Variants in LRRTM4 observed in about 807,000 individuals in gnomAD.
LRRTM4 encodes leucine rich repeat transmembrane neuronal 4, also known as leucine-rich repeat transmembrane neuronal protein 4.
A neutral mutation model predicts 47.6 loss-of-function variants in LRRTM4; 25 were observed. The observed-to-expected ratio is 0.53, with a 90% confidence interval of 0.38 to 0.73. The LOEUF is 0.73. Among genes scored for constraint, LRRTM4 ranks in the 30% least tolerant of loss-of-function variants. LRRTM4 has a pLI of 0.00. For missense variants in LRRTM4, 638 were observed against 713.4 expected (o/e 0.89, Z 1.20); for synonymous variants, 311 against 269.5 (o/e 1.15, Z -1.51).
At chr2:77,371,490 A>G (rs547182717) in intron 3 of LRRTM4, among the ~76,000 whole-genome samples, 1 of 151,714 alleles carries the variant, frequency 6.6e-6, no homozygotes, top group South Asian at 2.1e-4. Context: ...TAGCATGACA[A>G]CCTAGACACT....
intron 3 of LRRTM4, among the ~76,000 whole-genome samples, chr2:77,458,103 A>T (rs962223973): frequency 6.6e-6 from 1 of 152,176 alleles, no homozygotes; most frequent in Non-Finnish European, 1.5e-5. Flanking sequence ...TAGTTCTTGC[A>T]TATGTCCAAT....
chr2:77,024,675 C>T (rs1678391935), intron 3 of LRRTM4, among the ~76,000 whole-genome samples: 1 of 151,996 alleles, frequency 6.6e-6, no homozygotes, highest in South Asian at 2.1e-4. Flanking sequence ...ATTTTACTCA[C>T]TTAACACTTT....
chr2:77,421,632 G>T (rs1018943456), intron 3 of LRRTM4, among the ~76,000 whole-genome samples: 1 of 151,448 alleles, frequency 6.6e-6, no homozygotes, highest in Non-Finnish European at 1.5e-5. Flanking sequence ...GCGTGAACCC[G>T]GGAGGCGGAG....
intron 3 of LRRTM4, among the ~76,000 whole-genome samples, chr2:77,192,071 A>G (rs183886813): frequency 2.2e-3 from 331 of 152,254 alleles, no homozygotes; most frequent in African/African-American, 4.8e-3. Flanking sequence ...ACAATTTCAC[A>G]TAACTAAAAA....
chr2:77,044,554 G>C (rs1679167484), intron 3 of LRRTM4, among the ~76,000 whole-genome samples: 1 of 151,032 alleles, frequency 6.6e-6, no homozygotes, highest in East Asian at 1.9e-4. Flanking sequence ...GTGTGTGTCT[G>C]TGAGTGTGTG....
chr2:76,930,970 G>A (rs1307459466), intron 3 of LRRTM4, among the ~76,000 whole-genome samples: 2 of 152,068 alleles, frequency 1.3e-5, no homozygotes, highest in African/African-American at 4.8e-5. Flanking sequence ...CAGTCCTAGT[G>A]ATGTTTATAA....
chr2:77,210,450 G>A (rs1235583507), intron 3 of LRRTM4, among the ~76,000 whole-genome samples: 1 of 152,066 alleles, frequency 6.6e-6, no homozygotes, highest in East Asian at 1.9e-4. Flanking sequence ...AGTTTAGGAA[G>A]TAAAAACAAA....
At chr2:77,205,722 T>C (rs1199345990) in intron 3 of LRRTM4, among the ~76,000 whole-genome samples, 1 of 152,170 alleles carries the variant, frequency 6.6e-6, no homozygotes, top group Non-Finnish European at 1.5e-5. Flanking sequence ...CAGGTTTAGG[T>C]TATTCGAAAA....
At chr2:76,834,993 T>C (rs1671468036) in intron 3 of LRRTM4, among the ~76,000 whole-genome samples, 1 of 152,200 alleles carries the variant, frequency 6.6e-6, no homozygotes, top group South Asian at 2.1e-4. Flanking sequence ...CAAGATACAT[T>C]CCATCAAGAG....
chr2:77,271,484 G>A (rs1017271041), intron 3 of LRRTM4, among the ~76,000 whole-genome samples: 3 of 152,132 alleles, frequency 2.0e-5, no homozygotes, highest in South Asian at 2.1e-4. Flanking sequence ...TCCTGCACTC[G>A]CTCACTCACG....
rs972244093 is a variant in LRRTM4, at chr2:77,158,778, C to T, written c.1551+359540G>A. 7.3e-4 allele frequency among the ~76,000 whole-genome samples: 110 copies of T among 150,918 alleles called. 1 individual carries two copies. The highest frequency in any genetic ancestry group is 2.6e-3 in the African/African-American group (108 of 41,232). ...TGCTTGTCTTTTAGTAATCTAAGTG[C>T]TTTTTTCGTTTTTTTTTCTATTAAG... On this transcript the variant is annotated intron_variant, in intron 3 of 3. Coordinates refer to ENST00000409884, the MANE Select transcript of LRRTM4 (RefSeq NM_001134745.3).
chr2:77,283,713 T>A (rs1302939564), intron 3 of LRRTM4, among the ~76,000 whole-genome samples: 1 of 151,958 alleles, frequency 6.6e-6, no homozygotes, highest in Non-Finnish European at 1.5e-5. Context: ...AGCAAATTAA[T>A]GCAGGAGCAA....
intron 3 of LRRTM4, among the ~76,000 whole-genome samples, chr2:76,804,762 C>A (rs1419082492): frequency 1.4e-5 from 2 of 139,656 alleles, no homozygotes; most frequent in African/African-American, 6.0e-5. Context: ...TGTTTTATAA[C>A]AATATATATA....
At chr2:77,084,889 TTAA>T (rs767598059) in intron 3 of LRRTM4, among the ~76,000 whole-genome samples, 2 of 152,156 alleles carry the variant, frequency 1.3e-5, no homozygotes, top group African/African-American at 4.8e-5. Flanking sequence ...AGTTTAATGT[TTAA>T]TAATGGTAGT....
intron 3 of LRRTM4, among the ~76,000 whole-genome samples, chr2:77,292,469 T>C (rs1386287554): frequency 6.6e-6 from 1 of 151,244 alleles, no homozygotes; most frequent in Admixed American, 6.6e-5. Context: ...AATGATAGAC[T>C]TGATTAAGAA....
intron 3 of LRRTM4, among the ~76,000 whole-genome samples, chr2:77,008,465 T>G (rs576780805): frequency 1.1e-4 from 17 of 152,330 alleles, no homozygotes; most frequent in Non-Finnish European, 1.2e-4. Flanking sequence ...TAACTGTAGA[T>G]AGTCTGATTT....
intron 3 of LRRTM4, among the ~76,000 whole-genome samples, chr2:76,891,574 C>T (rs1379765815): frequency 2.7e-5 from 4 of 150,666 alleles, no homozygotes; most frequent in African/African-American, 7.3e-5. Context: ...AATCCAAATA[C>T]GAATGAAAAT....
intron 3 of LRRTM4, among the ~76,000 whole-genome samples, chr2:76,936,998 A>C (rs1435691405): frequency 6.8e-6 from 1 of 146,424 alleles, no homozygotes; most frequent in African/African-American, 2.5e-5. Context: ...GCACATAAGT[A>C]TATGTGAAAA....
intron 3 of LRRTM4, among the ~76,000 whole-genome samples, chr2:77,006,458 T>C (rs1033510296): frequency 1.3e-5 from 2 of 152,110 alleles, no homozygotes; most frequent in Non-Finnish European, 2.9e-5. Flanking sequence ...GAAAATTTTA[T>C]TTTGGTAGAT....
Sources: allele counts gnomAD v4.1 joint callset (sites outside exome capture counted in the v4.1 genomes callset), GRCh38; gene constraint gnomAD v4.1.1; transcripts MANE v1.5; gene names NCBI Gene and HGNC (gene_info 2026-07-23, HGNC 2026-07-21).